PLCB1: variants seen among roughly 807,000 people sequenced by gnomAD.
PLCB1 encodes the protein 1-phosphatidylinositol 4,5-bisphosphate phosphodiesterase beta-1.
In PLCB1, 46 loss-of-function variants were observed where a neutral mutation model predicts 161.8. That is an observed-to-expected ratio of 0.28 (90% CI 0.22 to 0.36). PLCB1 has a LOEUF of 0.36. PLCB1 is among the 10% of genes least tolerant of loss of function. The pLI is 1.00. For synonymous variants in PLCB1, 517 were observed against 503.7 expected (o/e 1.03, Z -0.35); for missense variants, 1,016 against 1,472.5 (o/e 0.69, Z 5.07).
intron 6 of PLCB1, among the ~76,000 whole-genome samples, chr20:8,648,962 A>T (rs1989240070): frequency 6.6e-6 from 1 of 151,680 alleles, no homozygotes. Flanking sequence ...AAAGAAAGAA[A>T]GAAAGAAAAG....
At chr20:8,727,278 C>A (rs902033430) in intron 16 of PLCB1, 31 bp from the exon 17 acceptor site, 2 of 1,053,624 alleles carry the variant, frequency 1.9e-6, no homozygotes, top group Non-Finnish European at 2.9e-6. Flanking sequence ...TCTCACCTTC[C>A]CCTTTTTTGT....
At chr20:8,422,105 A>G (rs1446409533) in intron 3 of PLCB1, among the ~76,000 whole-genome samples, 1 of 152,172 alleles carries the variant, frequency 6.6e-6, no homozygotes. Flanking sequence ...AACCTGCTCA[A>G]TTTGTTTTGT....
chr20:8,152,166 G>C (rs186132162), intron 2 of PLCB1, among the ~76,000 whole-genome samples: 1 of 152,178 alleles, frequency 6.6e-6, no homozygotes, highest in East Asian at 1.9e-4. Flanking sequence ...CTAGCCAAGA[G>C]ATAGAAATAG....
At position 8,872,850 on chromosome 20, in the gene PLCB1, A is replaced by T. The variant is rs1028640522; in HGVS notation, c.3424-8772A>T. 3.3e-4 allele frequency among the ~76,000 whole-genome samples: 50 copies of T among 152,244 alleles called. 1 individual carries two copies. Among genetic ancestry groups the T allele is most frequent in the South Asian group, 2.1e-4 (1 of 4,818 alleles). ...CAGGGACTTCAGGTTCAGCACTCCA[A>T]CACCCGGCATCCTGAGGCCTCCTCT... On this transcript the variant is annotated intron_variant, in intron 31 of 31. Coordinates refer to ENST00000338037, the MANE Select transcript of PLCB1 (RefSeq NM_015192.4).
chr20:8,423,194 A>G (rs539892600), intron 3 of PLCB1, among the ~76,000 whole-genome samples: 1 of 152,142 alleles, frequency 6.6e-6, no homozygotes. Flanking sequence ...CACCTACTTC[A>G]TAAGCCCCAA....
At chr20:8,284,408 A>G (rs1983015578) in intron 2 of PLCB1, among the ~76,000 whole-genome samples, 1 of 152,100 alleles carries the variant, frequency 6.6e-6, no homozygotes. Flanking sequence ...GGTATGTGAC[A>G]TAACGTGTAA....
chr20:8,437,124 G>A (rs1028526892), intron 3 of PLCB1, among the ~76,000 whole-genome samples: 4 of 152,030 alleles, frequency 2.6e-5, no homozygotes, highest in African/African-American at 9.7e-5. Flanking sequence ...GTTCAGCCAG[G>A]CCTGGAATGC....
At chr20:8,365,052 G>C (rs1401920076) in intron 2 of PLCB1, among the ~76,000 whole-genome samples, 1 of 152,034 alleles carries the variant, frequency 6.6e-6, no homozygotes, top group African/African-American at 2.4e-5. Context: ...GGGAAATCTT[G>C]CAAGCATAAG....
chr20:8,441,294 C>T (rs1980549001), intron 3 of PLCB1, among the ~76,000 whole-genome samples: 1 of 152,132 alleles, frequency 6.6e-6, no homozygotes, highest in Admixed American at 6.5e-5. Flanking sequence ...TTTACACTTA[C>T]CGACCATAAT....
At chr20:8,620,358 T>C (rs557373257) in intron 3 of PLCB1, among the ~76,000 whole-genome samples, 9 of 152,248 alleles carry the variant, frequency 5.9e-5, no homozygotes, top group African/African-American at 2.2e-4. Context: ...TCCCACAGTT[T>C]GGAAAACTGA....
chr20:8,796,801 A>G (rs951395895), intron 31 of PLCB1, among the ~76,000 whole-genome samples: 3 of 152,198 alleles, frequency 2.0e-5, no homozygotes, highest in African/African-American at 7.2e-5. Flanking sequence ...TTTGAAATTT[A>G]ATCTAATAGA....
At chr20:8,241,629 A>G (rs1980617414) in intron 2 of PLCB1, among the ~76,000 whole-genome samples, 1 of 151,950 alleles carries the variant, frequency 6.6e-6, no homozygotes, top group African/African-American at 2.4e-5. Context: ...TATGCTCACA[A>G]GACTTACAAC....
At chr20:8,792,481 TTATAACA>T in intron 31 of PLCB1, 1 of 466,464 alleles carries the variant, frequency 2.1e-6, no homozygotes, top group Non-Finnish European at 4.4e-6. Flanking sequence ...ACAGCCATGT[TTATAACA>T]ATTTTTTGTT....
At chr20:8,482,873 A>G (rs537693473) in intron 3 of PLCB1, among the ~76,000 whole-genome samples, 10 of 151,140 alleles carry the variant, frequency 6.6e-5, no homozygotes, top group African/African-American at 2.4e-4. Context: ...TATTTGGCAA[A>G]TGTAAGCAGG....
chr20:8,361,484 C>T (rs1391209340), intron 2 of PLCB1, among the ~76,000 whole-genome samples: 1 of 151,964 alleles, frequency 6.6e-6, no homozygotes, highest in African/African-American at 2.4e-5. Context: ...GATTGTCGGG[C>T]CACCCCAGAG....
chr20:8,814,291 G>T (rs557875434), intron 31 of PLCB1, among the ~76,000 whole-genome samples: 1 of 152,230 alleles, frequency 6.6e-6, no homozygotes, highest in South Asian at 2.1e-4. Context: ...ACAGGATTCT[G>T]GCCTTTTGGA....
chr20:8,308,908 A>G (rs1984259180), intron 2 of PLCB1, among the ~76,000 whole-genome samples: 1 of 151,842 alleles, frequency 6.6e-6, no homozygotes, highest in Non-Finnish European at 1.5e-5. Flanking sequence ...CCAGATAGGG[A>G]CTCATAGATT....
At chr20:8,827,591 T>C (rs988716202) in intron 31 of PLCB1, among the ~76,000 whole-genome samples, 1 of 152,240 alleles carries the variant, frequency 6.6e-6, no homozygotes, top group Non-Finnish European at 1.5e-5. Flanking sequence ...GCACATTTCA[T>C]GTGCTCAGTG....
chr20:8,641,221 A>G (rs1399743742), intron 4 of PLCB1, among the ~76,000 whole-genome samples: 1 of 152,204 alleles, frequency 6.6e-6, no homozygotes, highest in South Asian at 2.1e-4. Flanking sequence ...AATGTTTGTA[A>G]ACTATTCCAG....
Sources: allele counts gnomAD v4.1 joint callset (sites outside exome capture counted in the v4.1 genomes callset), GRCh38; gene constraint gnomAD v4.1.1; transcripts MANE v1.5; gene names NCBI Gene and HGNC (gene_info 2026-07-23, HGNC 2026-07-21).